KRT71: variants seen among roughly 807,000 people sequenced by gnomAD.
KRT71 encodes keratin 71.
A neutral mutation model predicts 46.2 loss-of-function variants in KRT71; 42 were observed. The observed-to-expected ratio is 0.91, with a 90% CI of 0.71 to 1.18. The LOEUF (loss-of-function observed/expected upper bound fraction) is 1.18. Among genes scored for constraint, KRT71 ranks in the 50% most tolerant of loss-of-function variants. The pLI is 0.00. For missense variants in KRT71, 708 were observed against 677.9 expected, an observed-to-expected ratio of 1.04 and a Z score of -0.49; for synonymous variants, 292 against 277.8, an observed-to-expected ratio of 1.05 and a Z score of -0.51.
At chr12:52,545,760 G>C (rs1271855232) in intron 7 of KRT71, among the ~76,000 whole-genome samples, 161 bp from the exon 8 acceptor site, 2 of 152,186 alleles carry the variant, frequency 1.3e-5, no homozygotes, top group Non-Finnish European at 1.5e-5. Flanking sequence ...AGAAGTTTTG[G>C]AGACTACCCC....
At chr12:52,547,827 G>A (rs752544515) in intron 6 of KRT71, 30 bp downstream of exon 6, 1 of 1,611,530 alleles carries the variant, frequency 6.2e-7, no homozygotes, top group East Asian at 2.2e-5. Flanking sequence ...CCCTGCACTT[G>A]ACCACAGGCC....
chr12:52,546,512 G>A lies in KRT71; in HGVS notation c.1105-6C>T, dbSNP rs1939060754. 1 of 1,612,976 alleles carries A rather than the reference G, an allele frequency of 6.2e-7. No homozygotes were observed. The highest frequency in any genetic ancestry group is 1.3e-5 in the African/African-American group (1 of 75,050). The stretch of plus-strand genomic sequence containing the variant: ...GCTGTCTCCAGGTTGGAAGCCTAAG[G>A]AAGGAATTGGTGAAGTCGAAAAATT... On this transcript the variant is annotated splice_polypyrimidine_tract_variant and splice_region_variant and intron_variant, in intron 6 of 8. Transcript: ENST00000267119.
chr12:52,545,827 G>A (rs908013407), intron 7 of KRT71, among the ~76,000 whole-genome samples: 2 of 152,102 alleles, frequency 1.3e-5, no homozygotes, highest in Non-Finnish European at 2.9e-5. Context: ...TACAAAAGGT[G>A]CACACGTAGG....
At chr12:52,545,895 A>C (rs1939049182) in intron 7 of KRT71, among the ~76,000 whole-genome samples, 1 of 152,124 alleles carries the variant, frequency 6.6e-6, no homozygotes, top group Admixed American at 6.5e-5. Flanking sequence ...ATCCCTGTAG[A>C]GCCCTGGGGA....
chr12:52,545,580 A>G lies in KRT71; in HGVS notation c.1345T>C (p.Ser449Pro). The G allele has an allele frequency of 1.3e-6, 2 of 1,556,486 alleles. No individual in the cohort carries two copies. Among genetic ancestry groups the G allele is most frequent in the Non-Finnish European group, 1.8e-6 (2 of 1,131,200 alleles). The change falls in exon 8 of 9, where the codon TCC becomes CCC. Residue 449 changes from serine to proline, a missense_variant. Physicochemically the swap from Ser to Pro is moderately conservative, Grantham distance 74 (BLOSUM62 -1). Coordinates refer to ENST00000267119, the MANE Select transcript of KRT71 (RefSeq NM_033448.3). The part of the protein sequence containing the change: ...EECRMSGEFP[S>P]PVSISIISST... ...AAATACTTACAGATGCTGACAGGGG[A>G]GGGAAATTCTCCTGACATCCTATTA... is the stretch of plus-strand genomic sequence containing the variant.
rs150003981 is a variant in KRT71, at chr12:52,546,382, C to T, written c.1229G>A (p.Arg410Gln). 124 of 1,614,226 alleles carry T rather than the reference C, an allele frequency of 7.7e-5. No homozygotes were observed. The highest frequency in any genetic ancestry group is 5.7e-4 in the Admixed American group (34 of 60,036). The stretch of plus-strand genomic sequence containing the variant: ...GAGCTCCTGGTACTCGCGCAGCATC[C>T]GCGCCAGCTCCTCCTTGGCCTGGTG... ...ALHQAKEELA[R>Q]MLREYQELMS... Residue 410 changes from arginine to glutamine, a missense_variant, in exon 7 of 9, where the codon CGG becomes CAG. Arg to Gln is a conservative substitution (Grantham distance 43). Transcript: ENST00000267119.
At position 52,550,064 on chromosome 12, in the gene KRT71, C is replaced by A. The variant is rs758754571; in HGVS notation, c.621G>T (p.Arg207Ser). The A allele has an allele frequency of 1.9e-6, 3 of 1,614,166 alleles. No individual in the cohort carries two copies. The highest frequency in any genetic ancestry group is 2.2e-5 in the East Asian group (1 of 44,872). ...GDRVRLDSEL[R>S]NVRDVVEDYK... ...AGTCCTCCACTACGTCCCGCACATT[C>A]CTCAGCTCCGAGTCCAGCCTCACCC... Residue 207 changes from arginine (R) to serine (S), a missense_variant, in exon 2 of 9, where the codon AGG (arginine) becomes AGT (serine). Physicochemically the swap from Arg to Ser is moderately radical, Grantham distance 110. Coordinates refer to ENST00000267119, the MANE Select transcript of KRT71 (RefSeq NM_033448.3).
At chr12:52,546,045 G>C (rs982055897) in intron 7 of KRT71, among the ~76,000 whole-genome samples, 1 of 151,736 alleles carries the variant, frequency 6.6e-6, no homozygotes, top group Non-Finnish European at 1.5e-5. Flanking sequence ...CAGGAAGAAC[G>C]AGCAAATCTG....
At chr12:52,545,662 C>T (rs2120556108) in intron 7 of KRT71, 63 bp from the exon 8 acceptor site, 1 of 1,031,436 alleles carries the variant, frequency 9.7e-7, no homozygotes, top group South Asian at 1.5e-5. Flanking sequence ...CTCTTTAAAG[C>T]TACTGCCACC....
chr12:52,545,726 C>T, intron 7 of KRT71, 127 bp from the exon 8 acceptor site: 1 of 609,292 alleles, frequency 1.6e-6, no homozygotes, highest in Non-Finnish European at 2.9e-6. Context: ...AATTCCAAAG[C>T]TTCTCTGATG....
At chr12:52,549,958 G>A in intron 2 of KRT71, 71 bp downstream of exon 2, 1 of 1,569,304 alleles carries the variant, frequency 6.4e-7, no homozygotes, top group Admixed American at 1.7e-5. Context: ...ATTTAAGCTG[G>A]GGTGACTGCC....
chr12:52,544,698 G>A lies in KRT71; in HGVS notation c.1406C>T (p.Pro469Leu), dbSNP rs1939029008. 6.2e-7 allele frequency: 1 copy of A among 1,612,946 alleles called. No individual in the cohort carries two copies. Among genetic ancestry groups the A allele is most frequent in the African/African-American group, 1.3e-5 (1 of 74,926 alleles). Reference sequence around the variant, plus strand: ...CACATAGCCACCGCTGACCATGCTGGGCCGGAAGCCATAGACACTGCCGCC... The same window carrying A: ...CACATAGCCACCGCTGACCATGCTGAGCCGGAAGCCATAGACACTGCCGCC... ...TSGGSVYGFR[P>L]SMVSGGYVAN... Residue 469 changes from proline (P) to leucine (L), a missense_variant, in exon 9 of 9, where the codon CCC becomes CTC. Pro to Leu is a moderately conservative substitution (Grantham distance 98, BLOSUM62 -3). Transcript: ENST00000267119.
intron 4 of KRT71, 126 bp downstream of exon 4, chr12:52,548,575 C>A: frequency 1.1e-6 from 1 of 875,844 alleles, no homozygotes; most frequent in Non-Finnish European, 1.8e-6. Flanking sequence ...AAGTCTGATG[C>A]GGGAGATGGT....
chr12:52,552,593 A>G (rs1217670584), intron 1 of KRT71, 44 bp downstream of exon 1: 5 of 1,545,354 alleles, frequency 3.2e-6, no homozygotes, highest in South Asian at 1.2e-5. Flanking sequence ...CAAGAAGAGA[A>G]GAGGAGGGCT....
rs145210819 is a variant in KRT71 at position 52,547,956 on chromosome 12, G to T, written c.1005C>A (p.Gly335=). 5.1e-5 allele frequency: 83 copies of T among 1,614,136 alleles called. No homozygotes were observed. The African/African-American group carries it at 9.6e-4, about 19-fold the overall frequency. ...TKFQELQLAA[G]RHGDDLKNTK... is the part of the protein sequence containing the mutation. ...TGTTTTTGAGGTCGTCCCCATGCCT[G>T]CCAGCTGCCAGCTGAAGCTCTTGGA... The change falls in exon 6 of 9, where the codon GGC becomes GGA. Residue 335 remains glycine (G), a synonymous_variant. Transcript: ENST00000267119.
Position 52,549,386 on chromosome 12 carries a change from T to C in KRT71, c.657-33A>G, listed in dbSNP as rs142013142. The stretch of plus-strand genomic sequence containing the variant: ...AATGGCGAGGGCTCATTGGTTAATA[T>C]CTCACTGAAAGCCCTTGCTTTCACA... On this transcript the variant is annotated intron_variant, in intron 2 of 8. Transcript: ENST00000267119. The C allele has an allele frequency of 1.0e-5, 16 of 1,576,528 alleles. No individual in the cohort carries two copies. The South Asian group carries it at 1.7e-4, about 16-fold the overall frequency.
At chr12:52,552,110 G>T (rs1366224541) in intron 1 of KRT71, among the ~76,000 whole-genome samples, 1 of 152,240 alleles carries the variant, frequency 6.6e-6, no homozygotes, top group Non-Finnish European at 1.5e-5. Flanking sequence ...GTGGCCAGCA[G>T]TGAGCACAAG....
rs10747641 is a variant in KRT71, at chr12:52,545,981, A to G, written c.1325+305T>C. On this transcript the variant is annotated intron_variant, in intron 7 of 8. Transcript: ENST00000267119. Reference sequence around the variant, plus strand: ...TCAGGAAGAGGGAACAAGAATGCCTAATAGAGTAATGGGGTTTTGCAGGGA... The same window carrying G: ...TCAGGAAGAGGGAACAAGAATGCCTGATAGAGTAATGGGGTTTTGCAGGGA... Among the ~76,000 whole-genome samples, 58,182 of 151,452 alleles carry G rather than the reference A, an allele frequency of 0.38. 13,893 individuals are homozygous for G. Among genetic ancestry groups the G allele is most frequent in the Middle Eastern group, 0.54 (160 of 294 alleles).
intron 2 of KRT71, 139 bp downstream of exon 2, chr12:52,549,890 G>A (rs1939133984): frequency 3.1e-6 from 3 of 953,888 alleles, no homozygotes; most frequent in Non-Finnish European, 4.7e-6. Context: ...CCAGAGTTTT[G>A]TTGGGGTGAT....
Sources: allele counts gnomAD v4.1 joint callset (sites outside exome capture counted in the v4.1 genomes callset), GRCh38; gene constraint gnomAD v4.1.1; transcripts MANE v1.5; gene names NCBI Gene and HGNC (gene_info 2026-07-23, HGNC 2026-07-21).